FHIT: variants seen among roughly 807,000 people sequenced by gnomAD.
FHIT encodes the protein fragile histidine triad diadenosine triphosphatase.
In FHIT, 19 loss-of-function variants were observed where a neutral mutation model predicts 17.9. The observed-to-expected ratio is 1.06, with a 90% confidence interval of 0.74 to 1.56. The LOEUF (loss-of-function observed/expected upper bound fraction) is 1.56. Ranked by LOEUF, FHIT falls within the 40% of genes most tolerant of loss-of-function variation. The probability of loss-of-function intolerance (pLI) is 0.00; values close to 1 mark genes in which losing one functional copy is unlikely to be tolerated. For missense variants in FHIT, 248 were observed against 189.2 expected (o/e 1.31, Z -1.82); for synonymous variants, 81 against 69.7 (o/e 1.16, Z -0.81).
At chr3:60,027,941 T>A (rs1700822993) in intron 5 of FHIT, among the ~76,000 whole-genome samples, 1 of 152,214 alleles carries the variant, frequency 6.6e-6, no homozygotes, top group African/African-American at 2.4e-5. Context: ...ATCAACCATA[T>A]TTAATTGCAT....
At position 60,384,847 on chromosome 3, in the gene FHIT, A is replaced by G. The variant is rs867230838; in HGVS notation, c.103+152013T>C. On this transcript the variant is annotated intron_variant, in intron 5 of 9. Transcript: ENST00000492590. ...TATTTTCACATTAGTAAAAAAAAAA[A>G]AAAAAAAATCTCAGAAATCATTTAT... Among the ~76,000 whole-genome samples the G allele has an allele frequency of 3.6e-3, 443 of 122,084 alleles. 1 individual carries two copies. Among genetic ancestry groups the G allele is most frequent in the Non-Finnish European group, 5.6e-3 (355 of 63,022 alleles). The allele number at this position is 122,084 out of a possible 152,430, so 80.1% of individuals were successfully genotyped here.
chr3:60,339,669 G>A (rs1188905867), intron 5 of FHIT, among the ~76,000 whole-genome samples: 1 of 152,140 alleles, frequency 6.6e-6, no homozygotes, highest in African/African-American at 2.4e-5. Flanking sequence ...GACAAAAGTG[G>A]AATCCCTATT....
chr3:61,184,988 A>C, intron 2 of FHIT, among the ~76,000 whole-genome samples: 1 of 152,220 alleles, frequency 6.6e-6, no homozygotes, highest in East Asian at 1.9e-4. Flanking sequence ...GGAAATGAGA[A>C]AACACAACTG....
At chr3:60,595,709 T>C (rs2038247691) in intron 4 of FHIT, among the ~76,000 whole-genome samples, 1 of 151,886 alleles carries the variant, frequency 6.6e-6, no homozygotes, top group East Asian at 1.9e-4. Context: ...CGTCGTGCAG[T>C]TATAGCTCAC....
chr3:60,626,020 G>C (rs950378912), intron 4 of FHIT, among the ~76,000 whole-genome samples: 3 of 152,170 alleles, frequency 2.0e-5, no homozygotes, highest in Non-Finnish European at 4.4e-5. Context: ...TGTCTTGGCA[G>C]CACTTTTGAA....
chr3:60,630,067 T>C (rs1236993692), intron 4 of FHIT, among the ~76,000 whole-genome samples: 6 of 152,184 alleles, frequency 3.9e-5, no homozygotes, highest in African/African-American at 1.4e-4. Flanking sequence ...TTTCTGAAAG[T>C]ATCCTCCCAG....
chr3:59,894,416 A>G (rs17299801), intron 8 of FHIT, among the ~76,000 whole-genome samples: 20,477 of 152,196 alleles, frequency 0.13, 1,646 homozygotes, highest in African/African-American at 0.23. Flanking sequence ...CATAAACATT[A>G]GCATCATAAC....
At chr3:60,355,722 A>G (rs974294298) in intron 5 of FHIT, among the ~76,000 whole-genome samples, 1 of 151,858 alleles carries the variant, frequency 6.6e-6, no homozygotes, top group Admixed American at 6.6e-5. Context: ...TTTGTCACAA[A>G]TTTTTTTTTA....
At chr3:61,211,250 T>C (rs2039460399) in intron 1 of FHIT, among the ~76,000 whole-genome samples, 6 of 151,836 alleles carry the variant, frequency 4.0e-5, no homozygotes, top group Admixed American at 3.9e-4. Context: ...CCTTTCCTAG[T>C]CAAAGAAAGG....
At chr3:60,030,633 G>T (rs138392815) in intron 5 of FHIT, among the ~76,000 whole-genome samples, 160 of 152,224 alleles carry the variant, frequency 1.1e-3, no homozygotes, top group Non-Finnish European at 2.0e-3. Flanking sequence ...CAGAAATCAG[G>T]AATGTCTGCT....
rs371868916 is a variant in FHIT at position 61,230,941 on chromosome 3, G to A, written c.-213+20360C>T. On this transcript the variant is annotated intron_variant, in intron 1 of 9. Coordinates refer to ENST00000492590, the MANE Select transcript of FHIT (RefSeq NM_002012.4). ...TTTCAGAACTGTGGATTCTATCACT[G>A]ACGTGTTCAAGTTCAAGAATAAGAA... Among the ~76,000 whole-genome samples, 6 of 152,120 alleles carry A rather than the reference G, an allele frequency of 3.9e-5. No individual in the cohort carries two copies. The East Asian group carries it at 9.6e-4, about 24-fold the overall frequency.
intron 4 of FHIT, among the ~76,000 whole-genome samples, chr3:60,673,165 A>C (rs2040548920): frequency 6.6e-6 from 1 of 152,060 alleles, no homozygotes; most frequent in Admixed American, 6.6e-5. Flanking sequence ...ATTATTCCAT[A>C]TATTTACCAT....
chr3:60,424,822 T>C (rs1008865627), intron 5 of FHIT, among the ~76,000 whole-genome samples: 3 of 152,164 alleles, frequency 2.0e-5, no homozygotes, highest in Non-Finnish European at 4.4e-5. Context: ...TTGTGGGGTG[T>C]CATTTCTAAC....
At chr3:60,576,682 T>C (rs1277840877) in intron 4 of FHIT, among the ~76,000 whole-genome samples, 1 of 152,134 alleles carries the variant, frequency 6.6e-6, no homozygotes, top group Non-Finnish European at 1.5e-5. Context: ...ATGTTATTAT[T>C]TCCAAGCTAA....
At chr3:61,097,288 G>C (rs912710649) in intron 2 of FHIT, among the ~76,000 whole-genome samples, 1 of 152,092 alleles carries the variant, frequency 6.6e-6, no homozygotes, top group African/African-American at 2.4e-5. Context: ...AGCAGGGCAA[G>C]GCATCGCCTC....
At chr3:61,149,852 C>A (rs1263123651) in intron 2 of FHIT, among the ~76,000 whole-genome samples, 10 of 152,090 alleles carry the variant, frequency 6.6e-5, no homozygotes, top group Admixed American at 6.6e-4. Context: ...TGCACTGCAG[C>A]CTGAGACCCT....
At chr3:60,183,639 C>G (rs978761774) in intron 5 of FHIT, among the ~76,000 whole-genome samples, 1 of 152,086 alleles carries the variant, frequency 6.6e-6, no homozygotes, top group Non-Finnish European at 1.5e-5. Flanking sequence ...CTTTTCAAAA[C>G]TTGACAATGC....
At chr3:60,110,588 G>C (rs1704627597) in intron 5 of FHIT, among the ~76,000 whole-genome samples, 3 of 152,060 alleles carry the variant, frequency 2.0e-5, no homozygotes, top group Admixed American at 2.0e-4. Flanking sequence ...GTGCATTCTT[G>C]GATAAGTTAC....
intron 5 of FHIT, among the ~76,000 whole-genome samples, chr3:60,091,377 CT>C (rs1202555242): frequency 6.6e-6 from 1 of 152,174 alleles, no homozygotes; most frequent in African/African-American, 2.4e-5. Flanking sequence ...CGAAATGTCG[CT>C]GTTCAGGTTC....
Sources: gnomAD v4.1 joint callset for allele counts (sites outside exome capture counted in the v4.1 genomes callset) on GRCh38, gnomAD v4.1.1 for gene constraint, MANE v1.5 for transcripts, NCBI Gene and HGNC (gene_info 2026-07-23, HGNC 2026-07-21) for gene names.